FAM222B: variants seen among roughly 807,000 people sequenced by gnomAD.
The protein encoded by FAM222B is family with sequence similarity 222 member B.
A neutral mutation model predicts 38.0 loss-of-function variants in FAM222B; 12 were observed. That is an observed-to-expected ratio of 0.32 (90% CI 0.20 to 0.51). The LOEUF is 0.51. Ranked by LOEUF, FAM222B falls within the 20% of genes least tolerant of loss-of-function variation. FAM222B has a pLI of 0.97. For synonymous variants in FAM222B, 329 were observed against 317.2 expected (o/e 1.04, Z -0.40); for missense variants, 716 against 754.2 (o/e 0.95, Z 0.59).
chr17:28,842,522 G>A (rs530084890), intron 1 of FAM222B, among the ~76,000 whole-genome samples, 160 bp downstream of exon 1: 1 of 152,030 alleles, frequency 6.6e-6, no homozygotes, highest in African/African-American at 2.4e-5. Flanking sequence ...CCGGCGACCG[G>A]GCCACCCGTG....
intron 1 of FAM222B, among the ~76,000 whole-genome samples, chr17:28,771,014 T>TC (rs562517905): frequency 2.0e-4 from 24 of 118,044 alleles, no homozygotes; most frequent in Non-Finnish European, 4.5e-4. Context: ...ATATTTTTTC[T>TC]TTTTTTTTTT....
intron 1 of FAM222B, among the ~76,000 whole-genome samples, chr17:28,787,581 C>T (rs1035916657): frequency 1.3e-5 from 2 of 152,070 alleles, no homozygotes; most frequent in Non-Finnish European, 2.9e-5. Flanking sequence ...TAAAGGGGCC[C>T]GAGAATTGAA....
At chr17:28,791,861 T>C (rs1187777653) in intron 1 of FAM222B, among the ~76,000 whole-genome samples, 8 of 151,222 alleles carry the variant, frequency 5.3e-5, no homozygotes, top group East Asian at 2.0e-4. Context: ...GGTTTCACCA[T>C]GTTGGCTAGG....
chr17:28,806,244 C>A (rs1011854935), intron 1 of FAM222B, among the ~76,000 whole-genome samples: 1 of 151,972 alleles, frequency 6.6e-6, no homozygotes, highest in African/African-American at 2.4e-5. Context: ...TAATCAATAA[C>A]AGACTTTTCA....
chr17:28,815,673 A>G (rs1168133372), intron 1 of FAM222B, among the ~76,000 whole-genome samples: 1 of 152,162 alleles, frequency 6.6e-6, no homozygotes, highest in Admixed American at 6.6e-5. Context: ...CAAAAAATAC[A>G]AAAATTAGCA....
chr17:28,777,522 A>T (rs9891925), intron 1 of FAM222B, among the ~76,000 whole-genome samples: 28,741 of 152,110 alleles, frequency 0.19, 2,852 homozygotes, highest in South Asian at 0.3. Context: ...TCAATTTGAG[A>T]GTGACCTTCC....
intron 2 of FAM222B, among the ~76,000 whole-genome samples, chr17:28,761,761 G>A (rs1417146475): frequency 1.3e-5 from 2 of 152,180 alleles, no homozygotes; most frequent in Non-Finnish European, 2.9e-5. Context: ...AAACAGGTCT[G>A]TGCTTTCAAA....
At chr17:28,829,181 G>A (rs1473049286) in intron 1 of FAM222B, among the ~76,000 whole-genome samples, 2 of 150,608 alleles carry the variant, frequency 1.3e-5, no homozygotes, top group East Asian at 3.9e-4. Context: ...TGGGATTACA[G>A]GCGTGAGCCA....
At chr17:28,835,024 T>G (rs1012814032) in intron 1 of FAM222B, among the ~76,000 whole-genome samples, 23 of 132,010 alleles carry the variant, frequency 1.7e-4, no homozygotes, top group Non-Finnish European at 2.7e-4. Flanking sequence ...TCAGCTAATT[T>G]TGTGTGTGTG....
chr17:28,840,097 T>G (rs191887787), intron 1 of FAM222B, among the ~76,000 whole-genome samples: 1 of 152,250 alleles, frequency 6.6e-6, no homozygotes, highest in East Asian at 1.9e-4. Context: ...ATTTTCTCAC[T>G]GCGCTTGGTG....
At chr17:28,798,094 T>A (rs1348342824) in intron 1 of FAM222B, among the ~76,000 whole-genome samples, 1 of 150,926 alleles carries the variant, frequency 6.6e-6, no homozygotes, top group East Asian at 2.0e-4. Context: ...ACGAAAAAAA[T>A]ATGAAAAATA....
chr17:28,825,820 G>A (rs1018868168), intron 1 of FAM222B, among the ~76,000 whole-genome samples: 1 of 152,120 alleles, frequency 6.6e-6, no homozygotes, highest in Non-Finnish European at 1.5e-5. Flanking sequence ...CTGTCTCGCA[G>A]GCTGGAATGC....
At chr17:28,767,711 G>A (rs1335979973) in intron 1 of FAM222B, among the ~76,000 whole-genome samples, 1 of 152,076 alleles carries the variant, frequency 6.6e-6, no homozygotes, top group African/African-American at 2.4e-5. Flanking sequence ...CCTGACCTCA[G>A]GTGGTCCGCC....
chr17:28,762,601 T>TG (rs1161337403), intron 2 of FAM222B, among the ~76,000 whole-genome samples: 24 of 124,850 alleles, frequency 1.9e-4, no homozygotes, highest in Non-Finnish European at 3.5e-4. Flanking sequence ...CACTCCAGCC[T>TG]GGGTGACAGA....
intron 1 of FAM222B, among the ~76,000 whole-genome samples, chr17:28,814,488 GCT>G (rs1567877170): frequency 2.6e-5 from 4 of 152,158 alleles, no homozygotes; most frequent in Admixed American, 1.3e-4. Flanking sequence ...ACGGAGTTTC[GCT>G]CTGTTTCCCA....
chr17:28,802,651 C>A, intron 1 of FAM222B: 1 of 179,196 alleles, frequency 5.6e-6, no homozygotes, highest in Admixed American at 5.6e-5. Context: ...GCAGGCTCAA[C>A]AAAGCTGTCT....
chr17:28,788,020 C>T (rs544701065), intron 1 of FAM222B, among the ~76,000 whole-genome samples: 3 of 152,146 alleles, frequency 2.0e-5, no homozygotes, highest in South Asian at 4.1e-4. Context: ...GATGGGGTTT[C>T]TCCATGTTGG....
upstream of FAM222B, among the ~76,000 whole-genome samples, chr17:28,845,270 G>A (rs1365709577): frequency 2.0e-5 from 3 of 151,464 alleles, no homozygotes; most frequent in Admixed American, 1.3e-4. Context: ...GCATGGTGGC[G>A]GGCCCCTGCA....
chr17:28,789,211 T>C (rs2036558142), intron 1 of FAM222B, among the ~76,000 whole-genome samples: 1 of 151,472 alleles, frequency 6.6e-6, no homozygotes, highest in African/African-American at 2.4e-5. Context: ...TTTTTTTTTT[T>C]TTTGAGATGG....
Sources: allele counts gnomAD v4.1 joint callset (sites outside exome capture counted in the v4.1 genomes callset), GRCh38; gene constraint gnomAD v4.1.1; transcripts MANE v1.5; gene names NCBI Gene and HGNC (gene_info 2026-07-23, HGNC 2026-07-21).